KCNH7: variants seen among roughly 807,000 people sequenced by gnomAD.
KCNH7 encodes the protein potassium voltage-gated channel subfamily H member 7.
Under a neutral mutation model 120.8 loss-of-function variants are expected in KCNH7, and 49 were observed. That is an observed-to-expected ratio of 0.41 (90% CI 0.32 to 0.51). KCNH7 has a LOEUF of 0.51. KCNH7 is among the 20% of genes least tolerant of loss of function. KCNH7 has a pLI of 0.38. For missense variants in KCNH7, 1,097 were observed against 1,446.6 expected, an observed-to-expected ratio of 0.76 and a Z score of 3.92; for synonymous variants, 547 against 516.1, an observed-to-expected ratio of 1.06 and a Z score of -0.81.
rs949106417 is a variant in KCNH7 at position 162,641,306 on chromosome 2, G to A, written c.308-104226C>T. Among the ~76,000 whole-genome samples, 15 of 152,236 alleles carry A rather than the reference G, an allele frequency of 9.9e-5. No individual in the cohort carries two copies. The East Asian group carries it at 1.5e-3, about 16-fold the overall frequency. ...ATACAAACTATGGTACATGTGTATC[G>A]TGGAATACTACTCAACAATAAAATG... On this transcript the variant is annotated intron_variant, in intron 2 of 15. Coordinates refer to ENST00000332142, the MANE Select transcript of KCNH7 (RefSeq NM_033272.4).
At chr2:162,564,450 C>T (rs1339247329) in intron 2 of KCNH7, among the ~76,000 whole-genome samples, 1 of 152,132 alleles carries the variant, frequency 6.6e-6, no homozygotes, top group African/African-American at 2.4e-5. Flanking sequence ...GTAAAGCAAG[C>T]CACATCCCCC....
intron 2 of KCNH7, among the ~76,000 whole-genome samples, chr2:162,719,273 C>A (rs551207804): frequency 2.0e-5 from 3 of 152,136 alleles, no homozygotes; most frequent in East Asian, 1.9e-4. Flanking sequence ...TTAATCCATT[C>A]TTTTAAGGAA....
intron 2 of KCNH7, among the ~76,000 whole-genome samples, chr2:162,562,746 G>T (rs956883895): frequency 3.9e-5 from 6 of 152,152 alleles, no homozygotes; most frequent in Admixed American, 2.6e-4. Context: ...TTGCAAACCA[G>T]CTCTTCAATG....
At chr2:162,504,681 A>T in intron 5 of KCNH7, 24 bp from the exon 6 acceptor site, 1 of 1,430,164 alleles carries the variant, frequency 7.0e-7, no homozygotes, top group Non-Finnish European at 9.9e-7. Context: ...AAGTATTTGT[A>T]AGAGTAATAT....
intron 12 of KCNH7, among the ~76,000 whole-genome samples, chr2:162,389,727 T>C (rs1686686462): frequency 6.6e-6 from 1 of 152,058 alleles, no homozygotes. Context: ...AGTAAAAAGT[T>C]TCCTCTTCCA....
intron 2 of KCNH7, among the ~76,000 whole-genome samples, chr2:162,789,526 T>C (rs1683845023): frequency 6.6e-6 from 1 of 151,962 alleles, no homozygotes. Context: ...CGGACGTATA[T>C]AAACCATTCC....
chr2:162,503,896 T>C (rs1690773992), intron 6 of KCNH7, among the ~76,000 whole-genome samples: 2 of 152,068 alleles, frequency 1.3e-5, no homozygotes, highest in African/African-American at 4.8e-5. Flanking sequence ...TAGCTTTTCA[T>C]CCTAGTTCAA....
intron 2 of KCNH7, among the ~76,000 whole-genome samples, chr2:162,685,638 C>T (rs114394954): frequency 6.9e-4 from 105 of 151,338 alleles, no homozygotes; most frequent in African/African-American, 2.5e-3. Context: ...AGCAAAGGAA[C>T]ACACAAGTGA....
chr2:162,771,872 G>A (rs1239174168), intron 2 of KCNH7: 1 of 152,086 alleles, frequency 6.6e-6, no homozygotes, highest in African/African-American at 2.4e-5. Flanking sequence ...CTAATGGATA[G>A]TATTTGCTCT....
At chr2:162,723,536 T>C (rs1687406836) in intron 2 of KCNH7, among the ~76,000 whole-genome samples, 1 of 152,214 alleles carries the variant, frequency 6.6e-6, no homozygotes, top group South Asian at 2.1e-4. Flanking sequence ...ACCATATTAT[T>C]TTTGCTCAGT....
At chr2:162,535,703 A>G (rs1692079792) in intron 3 of KCNH7, among the ~76,000 whole-genome samples, 1 of 151,830 alleles carries the variant, frequency 6.6e-6, no homozygotes, top group Non-Finnish European at 1.5e-5. Flanking sequence ...TAAAGTTCAC[A>G]TGGAAAATTA....
intron 2 of KCNH7, among the ~76,000 whole-genome samples, chr2:162,762,739 A>C (rs1574355315): frequency 6.6e-6 from 1 of 152,226 alleles, no homozygotes; most frequent in East Asian, 1.9e-4. Context: ...TTTTTATATG[A>C]TAGTTATAAT....
chr2:162,446,487 T>C (rs1688582999), intron 6 of KCNH7, 44 bp from the exon 7 acceptor site: 2 of 1,412,188 alleles, frequency 1.4e-6, no homozygotes, highest in African/African-American at 2.9e-5. Flanking sequence ...AATATGCCAT[T>C]TTTAATCTGG....
intron 2 of KCNH7, among the ~76,000 whole-genome samples, chr2:162,690,993 T>C (rs1177314876): frequency 2.0e-5 from 3 of 152,174 alleles, no homozygotes; most frequent in East Asian, 3.9e-4. Context: ...GAGGAATTTG[T>C]CTGCTTCCTG....
intron 6 of KCNH7, among the ~76,000 whole-genome samples, chr2:162,446,910 C>G (rs772784773): frequency 6.6e-6 from 1 of 151,990 alleles, no homozygotes; most frequent in Non-Finnish European, 1.5e-5. Context: ...TATAATTACA[C>G]CTTGATAAAT....
At chr2:162,428,554 A>G (rs1306588634) in intron 8 of KCNH7, among the ~76,000 whole-genome samples, 1 of 151,878 alleles carries the variant, frequency 6.6e-6, no homozygotes, top group Non-Finnish European at 1.5e-5. Context: ...AGCTGTTAGT[A>G]TTATTTAAGT....
intron 1 of KCNH7, 67 bp downstream of exon 1, chr2:162,838,376 G>A (rs4667769): frequency 0.57 from 760,146 of 1,336,610 alleles, 223,863 homozygotes; most frequent in South Asian, 0.68. Flanking sequence ...CACCTTGGAA[G>A]CGGTGGACGC....
At chr2:162,558,750 C>T (rs1692949217) in intron 2 of KCNH7, among the ~76,000 whole-genome samples, 1 of 151,582 alleles carries the variant, frequency 6.6e-6, no homozygotes, top group South Asian at 2.1e-4. Context: ...ATTTCATACT[C>T]CTTCTTTGGC....
chr2:162,572,560 G>T (rs867388754), intron 2 of KCNH7, among the ~76,000 whole-genome samples: 2 of 85,592 alleles, frequency 2.3e-5, no homozygotes, highest in Non-Finnish European at 4.4e-5. Flanking sequence ...TATACCCAAA[G>T]GACTATAAAT....
Sources: allele counts gnomAD v4.1 joint callset (sites outside exome capture counted in the v4.1 genomes callset), GRCh38; gene constraint gnomAD v4.1.1; transcripts MANE v1.5; gene names NCBI Gene and HGNC (gene_info 2026-07-23, HGNC 2026-07-21).